PRKG1: variants seen among roughly 807,000 people sequenced by gnomAD.
PRKG1 encodes the protein protein kinase cGMP-dependent 1.
Under a neutral mutation model 88.1 loss-of-function variants are expected in PRKG1, and 35 were observed. The ratio of observed to expected loss-of-function variants is 0.40; its 90% CI spans 0.30 to 0.53. The LOEUF (loss-of-function observed/expected upper bound fraction) is 0.53, where lower values mean the gene tolerates loss of function less well. PRKG1 is among the 20% of genes least tolerant of loss of function. The probability of loss-of-function intolerance (pLI) is 0.59; values close to 1 mark genes in which losing one functional copy is unlikely to be tolerated. For synonymous variants in PRKG1, 303 were observed against 292.5 expected (o/e 1.04, Z -0.37); for missense variants, 540 against 839.8 (o/e 0.64, Z 4.41).
At chr10:51,003,805 C>A (rs374625494) in intron 1 of PRKG1, among the ~76,000 whole-genome samples, 21 of 151,978 alleles carry the variant, frequency 1.4e-4, no homozygotes, top group African/African-American at 4.6e-4. Context: ...TTTTTTCACC[C>A]GAAATAAAAT....
intron 2 of PRKG1, among the ~76,000 whole-genome samples, chr10:51,321,327 G>A (rs1333580278): frequency 1.3e-5 from 2 of 152,116 alleles, no homozygotes; most frequent in African/African-American, 4.8e-5. Flanking sequence ...ATGAAATTAG[G>A]AATGAAACAT....
chr10:51,470,956 AC>A, intron 3 of PRKG1, among the ~76,000 whole-genome samples: 1 of 152,004 alleles, frequency 6.6e-6, no homozygotes, highest in East Asian at 1.9e-4. Context: ...ATCTGATAGC[AC>A]CAGGAATAAT....
intron 5 of PRKG1, among the ~76,000 whole-genome samples, chr10:51,918,436 GAA>G (rs1470984545): frequency 6.6e-6 from 1 of 151,360 alleles, no homozygotes; most frequent in Admixed American, 6.6e-5. Context: ...CACGAGACCC[GAA>G]ACAAAGTGTT....
intron 12 of PRKG1, among the ~76,000 whole-genome samples, chr10:52,276,789 A>G (rs981443395): frequency 6.6e-6 from 1 of 152,180 alleles, no homozygotes; most frequent in Admixed American, 6.6e-5. Flanking sequence ...TTCCAATTCT[A>G]ATAGTAATTT....
intron 2 of PRKG1, among the ~76,000 whole-genome samples, chr10:51,418,064 A>C (rs1021723037): frequency 1.3e-5 from 2 of 152,164 alleles, no homozygotes; most frequent in African/African-American, 2.4e-5. Flanking sequence ...TATCGTTTTT[A>C]TTCTTCTATG....
chr10:51,720,603 A>G (rs1385090974), intron 3 of PRKG1, among the ~76,000 whole-genome samples: 1 of 152,204 alleles, frequency 6.6e-6, no homozygotes, highest in African/African-American at 2.4e-5. Context: ...TTGTCCAAAC[A>G]GAAAAGGAGC....
intron 1 of PRKG1, among the ~76,000 whole-genome samples, chr10:50,996,236 C>T (rs1277649007): frequency 2.6e-5 from 4 of 152,128 alleles, no homozygotes; most frequent in Admixed American, 6.5e-5. Flanking sequence ...ACTTTTCAGG[C>T]GAGGAATCTG....
In PRKG1 at chr10:52,030,006, C is replaced by G. The variant is rs994730545; in HGVS notation, c.763-24478C>G. Among the ~76,000 whole-genome samples, 7 of 152,308 alleles carry G rather than the reference C, an allele frequency of 4.6e-5. No individual in the cohort carries two copies. In the South Asian group the frequency reaches 1.5e-3, roughly 32 times the overall value. ...AAATATTGGAGAAGCCACCATGTCTCTGGCTCCAAATCTTTCTGTCTGAAC... is the reference window on the plus strand; with the variant it reads ...AAATATTGGAGAAGCCACCATGTCTGTGGCTCCAAATCTTTCTGTCTGAAC... On this transcript the variant is annotated intron_variant, in intron 5 of 17. Transcript: ENST00000373980.
intron 4 of PRKG1, among the ~76,000 whole-genome samples, chr10:51,806,826 C>T (rs1225028263): frequency 1.3e-5 from 2 of 152,140 alleles, no homozygotes; most frequent in African/African-American, 4.8e-5. Flanking sequence ...TTCCTGCAAA[C>T]CAAACAATTC....
chr10:51,642,416 A>G (rs141119642), intron 3 of PRKG1, among the ~76,000 whole-genome samples: 4 of 152,188 alleles, frequency 2.6e-5, no homozygotes, highest in African/African-American at 9.6e-5. Flanking sequence ...CTGAATACTT[A>G]AATACTTATT....
At chr10:52,286,295 G>T (rs565011695) in intron 14 of PRKG1, among the ~76,000 whole-genome samples, 3 of 151,988 alleles carry the variant, frequency 2.0e-5, no homozygotes, top group African/African-American at 7.2e-5. Context: ...CAAGAACTAC[G>T]TAGTTCTGAG....
chr10:51,135,491 C>A (rs900872468), intron 1 of PRKG1, among the ~76,000 whole-genome samples: 4 of 152,052 alleles, frequency 2.6e-5, no homozygotes, highest in Non-Finnish European at 5.9e-5. Context: ...GGGCAAAAAA[C>A]CCAGAATATA....
At chr10:52,164,741 C>A (rs1838383940) in intron 9 of PRKG1, among the ~76,000 whole-genome samples, 1 of 152,064 alleles carries the variant, frequency 6.6e-6, no homozygotes, top group Non-Finnish European at 1.5e-5. Context: ...TATGTTTACA[C>A]TTTTTCCCCC....
chr10:51,895,292 C>A (rs1301236339), intron 4 of PRKG1, among the ~76,000 whole-genome samples: 1 of 152,166 alleles, frequency 6.6e-6, no homozygotes, highest in Admixed American at 6.5e-5. Flanking sequence ...AGAGCCCTGT[C>A]CTTGAACTTT....
chr10:52,234,649 G>T (rs1840629274), intron 9 of PRKG1, among the ~76,000 whole-genome samples: 1 of 128,736 alleles, frequency 7.8e-6, no homozygotes, highest in South Asian at 2.7e-4. Flanking sequence ...AAGCCTCCAA[G>T]AAATATGGGA....
chr10:51,493,218 T>G lies in PRKG1; in HGVS notation c.592+25382T>G, dbSNP rs931904035. ...TTTTAAATTTTACTCCAAAAAAGGA[T>G]TAGCAATTTTTTAATCTACTCATTT... On this transcript the variant is annotated intron_variant, in intron 3 of 17. Transcript: ENST00000373980. Among the ~76,000 whole-genome samples, 12 of 152,182 alleles carry G rather than the reference T, an allele frequency of 7.9e-5. No homozygotes were observed. In the South Asian group the frequency reaches 2.5e-3, roughly 32 times the overall value.
chr10:51,746,780 G>GAAAA, intron 3 of PRKG1, among the ~76,000 whole-genome samples: 1 of 151,378 alleles, frequency 6.6e-6, no homozygotes, highest in Non-Finnish European at 1.5e-5. Flanking sequence ...GAAAAGAAAA[G>GAAAA]AAAAAAGAAA....
chr10:51,305,741 T>C (rs1487463303), intron 2 of PRKG1, among the ~76,000 whole-genome samples: 1 of 152,226 alleles, frequency 6.6e-6, no homozygotes, highest in Non-Finnish European at 1.5e-5. Flanking sequence ...TTTTGACTGT[T>C]CAAAAGTGTA....
chr10:51,586,013 A>G (rs1331139532), intron 3 of PRKG1, among the ~76,000 whole-genome samples: 3 of 152,108 alleles, frequency 2.0e-5, no homozygotes, highest in Admixed American at 2.0e-4. Context: ...TTCAAAAGCT[A>G]CCTGTTGGGT....
Sources: allele counts gnomAD v4.1 joint callset (sites outside exome capture counted in the v4.1 genomes callset), GRCh38; gene constraint gnomAD v4.1.1; transcripts MANE v1.5; gene names NCBI Gene and HGNC (gene_info 2026-07-23, HGNC 2026-07-21).